PUDP: variants seen among roughly 807,000 people sequenced by gnomAD.
The protein encoded by PUDP is pseudouridine 5'-phosphatase, also known as pseudouridine-5'-phosphatase.
Under a neutral mutation model 9.4 loss-of-function variants are expected in PUDP, and 8 were observed. The ratio of observed to expected loss-of-function variants is 0.85; its 90% CI spans 0.50 to 1.53. The LOEUF is 1.53. Ranked by LOEUF, PUDP falls within the 40% of genes most tolerant of loss-of-function variation. The pLI, the probability that PUDP is intolerant of heterozygous loss-of-function variation, is 0.00. For missense variants in PUDP, 188 were observed against 189.7 expected (o/e 0.99, Z 0.05); for synonymous variants, 99 against 80.7 (o/e 1.23, Z -1.22).
intron 3 of PUDP, among the ~76,000 whole-genome samples, chrX:6,832,404 A>G (rs1053239804): frequency 1.8e-5 from 2 of 112,416 alleles, no homozygotes; most frequent in African/African-American, 6.5e-5. Flanking sequence ...GGTTGGGGAC[A>G]GTTCACAAGA....
chrX:6,833,307 G>A (rs755839471), intron 3 of PUDP, among the ~76,000 whole-genome samples: 9 of 111,199 alleles, frequency 8.1e-5, no homozygotes, highest in Non-Finnish European at 1.7e-4. Flanking sequence ...TGGGATGGAC[G>A]GATGGACAAA....
At chrX:6,945,003 C>T (rs926967979) in intron 3 of PUDP, among the ~76,000 whole-genome samples, 5 of 111,801 alleles carry the variant, frequency 4.5e-5, no homozygotes, top group African/African-American at 1.6e-4. Context: ...TAGGTAAAAC[C>T]GACGTATGGC....
chrX:6,861,837 C>T (rs965790683), intron 3 of PUDP, among the ~76,000 whole-genome samples: 1 of 111,429 alleles, frequency 9.0e-6, no homozygotes, highest in Non-Finnish European at 1.9e-5. Flanking sequence ...GAAACACACC[C>T]CCACCCCAGG....
At chrX:6,966,270 T>C (rs1418814563) in intron 3 of PUDP, among the ~76,000 whole-genome samples, 19 of 83,446 alleles carry the variant, frequency 2.3e-4, no homozygotes, top group Non-Finnish European at 1.6e-4. Context: ...CTGTTTTGTA[T>C]ACCACATCAT....
intron 3 of PUDP, among the ~76,000 whole-genome samples, chrX:6,801,594 A>C (rs1925935156): frequency 8.9e-6 from 1 of 111,915 alleles, no homozygotes; most frequent in Non-Finnish European, 1.9e-5. Flanking sequence ...CACACCTTCC[A>C]TGTGCCTAAG....
intron 3 of PUDP, among the ~76,000 whole-genome samples, chrX:6,790,788 A>G (rs10127381): frequency 0.18 from 20,408 of 111,516 alleles, 1,913 homozygotes; most frequent in African/African-American, 0.36. Context: ...AAGAGACGGC[A>G]TGACGGACCT....
chrX:6,746,721 T>A (rs935909667), intron 3 of PUDP, among the ~76,000 whole-genome samples: 1 of 111,300 alleles, frequency 9.0e-6, no homozygotes. Context: ...TCCAGCTTCA[T>A]CCATGTCCCC....
At chrX:7,104,895 C>T (rs1336152446) in intron 2 of PUDP, among the ~76,000 whole-genome samples, 1 of 112,166 alleles carries the variant, frequency 8.9e-6, no homozygotes, top group Non-Finnish European at 1.9e-5. Flanking sequence ...AGATTACTCA[C>T]ATAACTGCTG....
chrX:6,894,598 A>G (rs1927560544), intron 3 of PUDP, among the ~76,000 whole-genome samples: 2 of 111,963 alleles, frequency 1.8e-5, no homozygotes, highest in Admixed American at 1.9e-4. Flanking sequence ...TTCTGAGAAC[A>G]AACAGCCAAA....
intron 3 of PUDP, among the ~76,000 whole-genome samples, chrX:6,789,443 T>C (rs1351082758): frequency 9.1e-6 from 1 of 109,653 alleles, no homozygotes. Flanking sequence ...GAGAAGGAAT[T>C]TGCATTGTGT....
intron 3 of PUDP, among the ~76,000 whole-genome samples, chrX:6,810,420 C>T (rs1033323848): frequency 9.0e-6 from 1 of 111,393 alleles, no homozygotes; most frequent in Non-Finnish European, 1.9e-5. Flanking sequence ...AAAACATAGC[C>T]CTATTTGGAA....
At chrX:6,711,648 A>T (rs1924533235) in intron 1 of PUDP, among the ~76,000 whole-genome samples, 1 of 111,405 alleles carries the variant, frequency 9.0e-6, no homozygotes, top group Non-Finnish European at 1.9e-5. Flanking sequence ...TGAGGAAGAA[A>T]CTTTTCCTTC....
At chrX:7,070,013 C>T (rs1359215480) in intron 3 of PUDP, among the ~76,000 whole-genome samples, 2 of 112,189 alleles carry the variant, frequency 1.8e-5, no homozygotes, top group Non-Finnish European at 3.8e-5. Flanking sequence ...TCTGTGAACT[C>T]CTTCGTTGTA....
chrX:6,858,659 T>A (rs1353239454), intron 3 of PUDP, among the ~76,000 whole-genome samples: 1 of 111,879 alleles, frequency 8.9e-6, no homozygotes, highest in Non-Finnish European at 1.9e-5. Flanking sequence ...CTGTTAAGTA[T>A]AGTACTTCCT....
rs1928549514 is a variant in PUDP, at chrX:6,951,151, T to G, written c.*247+25982A>C. 2.7e-5 allele frequency among the ~76,000 whole-genome samples: 3 copies of G among 111,454 alleles called. No individual in the cohort carries two copies. The South Asian group carries it at 1.1e-3, about 42-fold the overall frequency. On this transcript the variant is annotated intron_variant and NMD_transcript_variant, in intron 3 of 3. Coordinates refer to the PUDP transcript ENST00000655425. ...CTTATAATGAATCTCTATCTAAATA[T>G]AGATATAAGTATCATGTATTTAAAA... is the stretch of plus-strand genomic sequence containing the variant.
intron 1 of PUDP, among the ~76,000 whole-genome samples, chrX:6,996,728 G>T (rs915722674): frequency 9.5e-6 from 1 of 104,976 alleles, no homozygotes; most frequent in Admixed American, 1.1e-4. Flanking sequence ...GTGCCATGGG[G>T]TGATCTCGGC....
At chrX:7,016,142 G>A (rs1929545523) in intron 1 of PUDP, among the ~76,000 whole-genome samples, 1 of 106,864 alleles carries the variant, frequency 9.4e-6, no homozygotes, top group Non-Finnish European at 1.9e-5. Context: ...ACCAGCCCGG[G>A]TAACATTGCA....
chrX:7,137,166 G>A (rs757859328), intron 1 of PUDP, among the ~76,000 whole-genome samples: 18 of 107,695 alleles, frequency 1.7e-4, no homozygotes, highest in Admixed American at 6.0e-4. Context: ...GCTTGAACCC[G>A]GGAGGTGGAG....
intron 3 of PUDP, among the ~76,000 whole-genome samples, chrX:6,972,038 G>A (rs754131430): frequency 1.3e-3 from 147 of 111,980 alleles, no homozygotes; most frequent in Admixed American, 3.3e-3. Context: ...GTATAGGAAT[G>A]CTTGTGATTT....
Sources: gnomAD v4.1 joint callset for allele counts (sites outside exome capture counted in the v4.1 genomes callset) on GRCh38, gnomAD v4.1.1 for gene constraint, MANE v1.5 for transcripts, NCBI Gene and HGNC (gene_info 2026-07-23, HGNC 2026-07-21) for gene names.